The following ZNF804A variants were observed in gnomAD, a reference collection of about 807,000 sequenced individuals.
ZNF804A encodes zinc finger protein 804A.
In ZNF804A, 2 loss-of-function variants were observed where a neutral mutation model predicts 16.5. The observed-to-expected ratio is 0.12, with a 90% CI of 0.05 to 0.38. The LOEUF is 0.38. Ranked by LOEUF, ZNF804A falls within the 10% of genes least tolerant of loss-of-function variation. ZNF804A has a pLI of 0.99. For synonymous variants in ZNF804A, 534 were observed against 489.6 expected (o/e 1.09, Z -1.20); for missense variants, 1,473 against 1,390.7 (o/e 1.06, Z -0.94).
intron 1 of ZNF804A, among the ~76,000 whole-genome samples, chr2:184,737,102 G>A (rs1436317882): frequency 6.6e-6 from 1 of 151,136 alleles, no homozygotes; most frequent in African/African-American, 2.4e-5. Flanking sequence ...TGTCACCCAG[G>A]CTGGAGTGTA....
chr2:184,625,086 G>A (rs1232105751), intron 1 of ZNF804A, among the ~76,000 whole-genome samples: 2 of 152,132 alleles, frequency 1.3e-5, no homozygotes, highest in Non-Finnish European at 2.9e-5. Flanking sequence ...TCAGAATTAT[G>A]TCTAAAATTT....
intron 1 of ZNF804A, among the ~76,000 whole-genome samples, chr2:184,705,600 A>T (rs1357292663): frequency 6.6e-6 from 1 of 152,164 alleles, no homozygotes; most frequent in Non-Finnish European, 1.5e-5. Context: ...CTCTGAAGGC[A>T]TGGTACCTAT....
At chr2:184,820,161 A>C (rs1475053226) in intron 1 of ZNF804A, among the ~76,000 whole-genome samples, 1 of 152,102 alleles carries the variant, frequency 6.6e-6, no homozygotes, top group East Asian at 1.9e-4. Context: ...TGATGCAAAA[A>C]TCCCCAATGA....
intron 1 of ZNF804A, among the ~76,000 whole-genome samples, chr2:184,705,049 A>T (rs1692999934): frequency 6.6e-6 from 1 of 152,210 alleles, no homozygotes; most frequent in South Asian, 2.1e-4. Flanking sequence ...TTGGGCAAGA[A>T]ATGAGGCAGT....
chr2:184,646,504 C>T (rs1304326368), intron 1 of ZNF804A, among the ~76,000 whole-genome samples: 2 of 152,176 alleles, frequency 1.3e-5, no homozygotes, highest in Non-Finnish European at 2.9e-5. Flanking sequence ...TGACCTGCCC[C>T]ACCCTTCCTG....
chr2:184,921,135 G>A (rs190184356), intron 2 of ZNF804A, among the ~76,000 whole-genome samples: 13 of 152,202 alleles, frequency 8.5e-5, no homozygotes, highest in Admixed American at 4.6e-4. Context: ...TTATTATTTG[G>A]AGTGTAACTA....
chr2:184,925,783 A>G (rs1685600428), intron 2 of ZNF804A, among the ~76,000 whole-genome samples: 1 of 152,044 alleles, frequency 6.6e-6, no homozygotes, highest in African/African-American at 2.4e-5. Context: ...TAAGCTAACA[A>G]CTTAACAGTT....
At chr2:184,832,746 T>C (rs1044991562) in intron 1 of ZNF804A, among the ~76,000 whole-genome samples, 1 of 151,992 alleles carries the variant, frequency 6.6e-6, no homozygotes. Flanking sequence ...TGTTATACAA[T>C]CTATAATTTT....
chr2:184,690,969 A>T (rs755231204), intron 1 of ZNF804A, among the ~76,000 whole-genome samples: 50 of 152,190 alleles, frequency 3.3e-4, no homozygotes, highest in Non-Finnish European at 6.2e-4. Context: ...ATATGCAAAA[A>T]AATTCACAAT....
At chr2:184,651,041 T>C (rs1182901652) in intron 1 of ZNF804A, among the ~76,000 whole-genome samples, 1 of 152,094 alleles carries the variant, frequency 6.6e-6, no homozygotes, top group Non-Finnish European at 1.5e-5. Flanking sequence ...CTTCAAATTA[T>C]ACTATAAGGC....
At chr2:184,805,538 C>T (rs912411829) in intron 1 of ZNF804A, among the ~76,000 whole-genome samples, 1 of 151,930 alleles carries the variant, frequency 6.6e-6, no homozygotes, top group African/African-American at 2.4e-5. Context: ...TATTTCAGAG[C>T]CTTCCTCAAG....
intron 1 of ZNF804A, among the ~76,000 whole-genome samples, chr2:184,687,162 A>G (rs987759815): frequency 6.6e-6 from 1 of 152,164 alleles, no homozygotes; most frequent in Non-Finnish European, 1.5e-5. Context: ...GAGTTGCTAC[A>G]CTTAAATTTT....
At chr2:184,672,589 C>A (rs1012179521) in intron 1 of ZNF804A, among the ~76,000 whole-genome samples, 2 of 151,624 alleles carry the variant, frequency 1.3e-5, no homozygotes, top group Non-Finnish European at 2.9e-5. Context: ...TAGATGACTA[C>A]CAGAAATTTA....
intron 1 of ZNF804A, among the ~76,000 whole-genome samples, chr2:184,814,574 A>G (rs1286450215): frequency 6.6e-6 from 1 of 152,074 alleles, no homozygotes; most frequent in Non-Finnish European, 1.5e-5. Flanking sequence ...GAAATGAGAA[A>G]GTTGTCATGG....
At chr2:184,602,352 A>G (rs1691063296) in intron 1 of ZNF804A, among the ~76,000 whole-genome samples, 1 of 152,128 alleles carries the variant, frequency 6.6e-6, no homozygotes, top group South Asian at 2.1e-4. Flanking sequence ...AATTTCATAG[A>G]ACAAGAAATA....
chr2:184,850,479 T>C (rs919985932), intron 1 of ZNF804A, among the ~76,000 whole-genome samples: 1 of 151,920 alleles, frequency 6.6e-6, no homozygotes, highest in African/African-American at 2.4e-5. Context: ...GATTTCCAGA[T>C]GAATTTATTC....
intron 2 of ZNF804A, among the ~76,000 whole-genome samples, chr2:184,891,970 T>C (rs1684990419): frequency 1.3e-5 from 2 of 152,056 alleles, no homozygotes; most frequent in Admixed American, 6.5e-5. Flanking sequence ...ATTAGAAAAA[T>C]GTGCTCAAGT....
intron 2 of ZNF804A, among the ~76,000 whole-genome samples, chr2:184,892,409 T>G (rs1263594379): frequency 6.6e-6 from 1 of 150,644 alleles, no homozygotes; most frequent in Non-Finnish European, 1.5e-5. Flanking sequence ...TGAGAAAGGG[T>G]GAGAAATGAC....
intron 2 of ZNF804A, among the ~76,000 whole-genome samples, chr2:184,928,366 G>A (rs1685642029): frequency 6.6e-6 from 1 of 151,998 alleles, no homozygotes; most frequent in Non-Finnish European, 1.5e-5. Context: ...GCAAGACAAA[G>A]TCCTCCCTGC....
Sources: gnomAD v4.1 joint callset for allele counts (sites outside exome capture counted in the v4.1 genomes callset) on GRCh38, gnomAD v4.1.1 for gene constraint, MANE v1.5 for transcripts, NCBI Gene and HGNC (gene_info 2026-07-23, HGNC 2026-07-21) for gene names.